Variants in CDK5RAP1 observed in about 807,000 individuals in gnomAD.
CDK5RAP1 encodes the protein CDK5RAP1 mitochondrial tRNA methylthiotransferase, also known as mitochondrial tRNA methylthiotransferase CDK5RAP1.
In CDK5RAP1, 62 loss-of-function variants were observed where a neutral mutation model predicts 64.5. That is an observed-to-expected ratio of 0.96 (90% CI 0.78 to 1.19). CDK5RAP1 has a LOEUF of 1.19. CDK5RAP1 is among the 50% of genes most tolerant of loss of function. The pLI, the probability that CDK5RAP1 is intolerant of heterozygous loss-of-function variation, is 0.00. For missense variants in CDK5RAP1, 657 were observed against 735.0 expected (o/e 0.89, Z 1.23); for synonymous variants, 250 against 261.9 (o/e 0.95, Z 0.44).
At chr20:33,399,252 C>A (rs1700730910) in intron 1 of CDK5RAP1, among the ~76,000 whole-genome samples, 1 of 151,952 alleles carries the variant, frequency 6.6e-6, no homozygotes, top group African/African-American at 2.4e-5. Flanking sequence ...TACTACACTC[C>A]AGCCATGCCA....
intron 12 of CDK5RAP1, among the ~76,000 whole-genome samples, chr20:33,365,622 AAAG>A (rs1983778566): frequency 6.7e-6 from 1 of 149,518 alleles, no homozygotes; most frequent in Non-Finnish European, 1.5e-5. Flanking sequence ...AAAAAAAAAA[AAAG>A]GGCAGGGTGA....
chr20:33,394,109 T>G, intron 3 of CDK5RAP1, 43 bp from the exon 4 acceptor site: 1 of 1,331,384 alleles, frequency 7.5e-7, no homozygotes, highest in Non-Finnish European at 1.1e-6. Flanking sequence ...ACATAATATC[T>G]TGGATATTAG....
intron 6 of CDK5RAP1, among the ~76,000 whole-genome samples, chr20:33,386,309 A>C (rs925467310): frequency 6.6e-6 from 1 of 151,844 alleles, no homozygotes; most frequent in African/African-American, 2.4e-5. Flanking sequence ...TGATCCACCC[A>C]CCTCAGCCTC....
chr20:33,400,494 G>T (rs1185692247), intron 1 of CDK5RAP1, among the ~76,000 whole-genome samples: 2 of 152,104 alleles, frequency 1.3e-5, no homozygotes, highest in Non-Finnish European at 2.9e-5. Context: ...GTAAAATAAG[G>T]ATAAAAGCAG....
intron 5 of CDK5RAP1, among the ~76,000 whole-genome samples, chr20:33,388,462 A>C (rs1007748843): frequency 1.3e-5 from 2 of 152,038 alleles, no homozygotes; most frequent in Admixed American, 1.3e-4. Context: ...GAATGAAGAG[A>C]TATTTGCATC....
intron 13 of CDK5RAP1, 145 bp from the exon 14 acceptor site, chr20:33,359,268 C>T (rs1292711782): frequency 3.2e-6 from 2 of 621,054 alleles, no homozygotes; most frequent in Non-Finnish European, 5.7e-6. Flanking sequence ...TGTGTGCCCC[C>T]GATCCTGGCA....
intron 8 of CDK5RAP1, among the ~76,000 whole-genome samples, chr20:33,374,662 C>T (rs1194903959): frequency 6.6e-6 from 1 of 151,686 alleles, no homozygotes; most frequent in Non-Finnish European, 1.5e-5. Flanking sequence ...CTCCTGGGTT[C>T]AAGCGATTCT....
At chr20:33,394,417 G>T (rs558128056) in intron 3 of CDK5RAP1, among the ~76,000 whole-genome samples, 2 of 151,136 alleles carry the variant, frequency 1.3e-5, no homozygotes, top group Non-Finnish European at 2.9e-5. Flanking sequence ...CTCCCAAAAT[G>T]CTAGGATTAC....
chr20:33,366,378 T>C (rs1983965919), intron 12 of CDK5RAP1, among the ~76,000 whole-genome samples: 1 of 148,354 alleles, frequency 6.7e-6, no homozygotes. Flanking sequence ...TCCTAGCACT[T>C]TGGGAGGCTG....
At chr20:33,394,915 C>G in intron 3 of CDK5RAP1, 98 bp downstream of exon 3, 2 of 755,190 alleles carry the variant, frequency 2.6e-6, no homozygotes, top group Non-Finnish European at 4.8e-6. Flanking sequence ...TCTCTCTCAC[C>G]AGGGGGCACC....
chr20:33,380,268 C>T (rs981967727), intron 7 of CDK5RAP1, among the ~76,000 whole-genome samples: 2 of 152,164 alleles, frequency 1.3e-5, no homozygotes, highest in African/African-American at 4.8e-5. Context: ...CCCTCTGTTG[C>T]CCAGGCTGGA....
intron 12 of CDK5RAP1, among the ~76,000 whole-genome samples, chr20:33,366,111 G>A (rs1184010464): frequency 3.9e-5 from 6 of 152,116 alleles, no homozygotes; most frequent in Non-Finnish European, 7.4e-5. Flanking sequence ...CTGAGGTCAG[G>A]AGTTTGAGAC....
At position 33,394,069 on chromosome 20, in the gene CDK5RAP1, G is replaced by A; in HGVS notation, c.409-3C>T. On this transcript the variant is annotated splice_polypyrimidine_tract_variant and splice_region_variant and intron_variant, in intron 3 of 13. Coordinates refer to ENST00000346416, the MANE Select transcript of CDK5RAP1 (RefSeq NM_016408.4). ...GTGACAAGGAGAATCACATCTGCCT[G>A]AATGGAAAGAAAGGAAAACAAGGAA... 1.9e-6 allele frequency: 3 copies of A among 1,592,914 alleles called. No individual in the cohort carries two copies. The highest frequency in any genetic ancestry group is 2.2e-5 in the East Asian group (1 of 44,800).
intron 1 of CDK5RAP1, among the ~76,000 whole-genome samples, chr20:33,398,387 G>A (rs949928481): frequency 6.6e-6 from 1 of 152,154 alleles, no homozygotes; most frequent in Non-Finnish European, 1.5e-5. Context: ...TAAGATACCC[G>A]GGAGACTGAG....
chr20:33,386,757 G>A (rs1479598501), intron 6 of CDK5RAP1, among the ~76,000 whole-genome samples: 2 of 145,124 alleles, frequency 1.4e-5, no homozygotes, highest in African/African-American at 5.1e-5. Context: ...AATAAACAGA[G>A]GTTGACAAAC....
At chr20:33,384,656 C>A (rs1302218325) in intron 7 of CDK5RAP1, among the ~76,000 whole-genome samples, 17 of 152,260 alleles carry the variant, frequency 1.1e-4, no homozygotes, top group Admixed American at 1.1e-3. Flanking sequence ...AATCCCAGCA[C>A]TTTGGGAGGC....
chr20:33,376,287 G>A (rs374890193), intron 8 of CDK5RAP1, among the ~76,000 whole-genome samples: 25 of 151,974 alleles, frequency 1.6e-4, no homozygotes, highest in African/African-American at 5.6e-4. Context: ...TCGCACCACC[G>A]CACTCCAGCC....
At chr20:33,391,749 G>A (rs1190794740) in intron 5 of CDK5RAP1, among the ~76,000 whole-genome samples, 1 of 152,118 alleles carries the variant, frequency 6.6e-6, no homozygotes, top group Non-Finnish European at 1.5e-5. Flanking sequence ...GCACCCAGGA[G>A]GCAGAAGTTG....
chr20:33,395,211 G>T (rs1438750706), intron 2 of CDK5RAP1, 95 bp from the exon 3 acceptor site: 4 of 733,874 alleles, frequency 5.5e-6, no homozygotes, highest in Non-Finnish European at 7.4e-6. Context: ...AGAAATATCT[G>T]AGGCATCTGG....
Sources: allele counts gnomAD v4.1 joint callset (sites outside exome capture counted in the v4.1 genomes callset), GRCh38; gene constraint gnomAD v4.1.1; transcripts MANE v1.5; gene names NCBI Gene and HGNC (gene_info 2026-07-23, HGNC 2026-07-21).